PDZD2: variants seen among roughly 807,000 people sequenced by gnomAD.
The protein encoded by PDZD2 is PDZ domain-containing protein 2.
A neutral mutation model predicts 220.7 loss-of-function variants in PDZD2; 90 were observed. The observed-to-expected ratio is 0.41, with a 90% CI of 0.34 to 0.49. The LOEUF is 0.49. Ranked by LOEUF, PDZD2 falls within the 20% of genes least tolerant of loss-of-function variation. PDZD2 has a pLI of 0.28. For missense variants in PDZD2, 3,174 were observed against 3,608.5 expected (o/e 0.88, Z 3.08); for synonymous variants, 1,375 against 1,450.5 (o/e 0.95, Z 1.18).
At position 31,980,084 on chromosome 5, in the gene PDZD2, A is replaced by G. The variant is rs999841724; in HGVS notation, c.477-3071A>G. Among the ~76,000 whole-genome samples the G allele has an allele frequency of 4.8e-4, 73 of 152,194 alleles. 1 individual carries two copies. The highest frequency in any genetic ancestry group is 4.6e-3 in the Admixed American group (70 of 15,276). On this transcript the variant is annotated intron_variant, in intron 2 of 24. Transcript: ENST00000438447. The stretch of plus-strand genomic sequence containing the variant: ...GACATATTCACATAACAGAAAATTC[A>G]CCATTTTAAAGTGTACATTTCAGTG...
intron 1 of PDZD2, among the ~76,000 whole-genome samples, chr5:31,726,668 A>G (rs990229293): frequency 2.6e-5 from 4 of 152,100 alleles, no homozygotes; most frequent in African/African-American, 9.7e-5. Context: ...TTGCAGGAGG[A>G]CAGAGGGTGG....
chr5:31,858,386 T>C (rs1758645790), intron 2 of PDZD2, among the ~76,000 whole-genome samples: 1 of 152,242 alleles, frequency 6.6e-6, no homozygotes, highest in East Asian at 1.9e-4. Flanking sequence ...TTGCAAAAAT[T>C]AGTACAGCTA....
chr5:32,068,454 T>A (rs1214541563), intron 14 of PDZD2, among the ~76,000 whole-genome samples: 3 of 152,224 alleles, frequency 2.0e-5, no homozygotes, highest in African/African-American at 7.2e-5. Flanking sequence ...TATTACATAG[T>A]TCAGCTGACA....
intron 1 of PDZD2, among the ~76,000 whole-genome samples, chr5:31,790,977 C>T (rs1368702769): frequency 5.9e-5 from 9 of 151,992 alleles, no homozygotes; most frequent in Non-Finnish European, 1.0e-4. Flanking sequence ...GGATTACAGG[C>T]ATGAGCCACC....
intron 1 of PDZD2, among the ~76,000 whole-genome samples, chr5:31,690,834 A>G (rs1386768068): frequency 2.0e-5 from 3 of 152,190 alleles, no homozygotes; most frequent in Non-Finnish European, 4.4e-5. Context: ...GGATGCAAAC[A>G]TATTTTTTTG....
intron 2 of PDZD2, among the ~76,000 whole-genome samples, chr5:31,975,092 G>T (rs771067992): frequency 1.3e-5 from 2 of 152,170 alleles, no homozygotes; most frequent in Non-Finnish European, 2.9e-5. Context: ...ATAATTAAAT[G>T]TACACATTTT....
At chr5:31,919,709 AAAAAAAAAGG>A (rs1003658947) in intron 2 of PDZD2, among the ~76,000 whole-genome samples, 1 of 50,072 alleles carries the variant, frequency 2.0e-5, no homozygotes, top group Non-Finnish European at 3.3e-5. Flanking sequence ...TTGATAAAGA[AAAAAAAAAGG>A]AAAAAAAAAA....
intron 2 of PDZD2, among the ~76,000 whole-genome samples, chr5:31,873,601 A>T (rs1009799411): frequency 2.6e-5 from 4 of 151,178 alleles, no homozygotes; most frequent in Non-Finnish European, 4.4e-5. Context: ...GGGTCTTGCT[A>T]TGTTGCCCAG....
chr5:31,886,938 A>G (rs1381069667), intron 2 of PDZD2, among the ~76,000 whole-genome samples: 1 of 152,120 alleles, frequency 6.6e-6, no homozygotes, highest in Non-Finnish European at 1.5e-5. Context: ...ACCTCAGGTG[A>G]TCCGCCTGCC....
At chr5:31,866,189 G>A (rs959506617) in intron 2 of PDZD2, among the ~76,000 whole-genome samples, 1 of 151,728 alleles carries the variant, frequency 6.6e-6, no homozygotes, top group African/African-American at 2.4e-5. Context: ...TATGAAGATG[G>A]GGTTTTGCCA....
intron 1 of PDZD2, among the ~76,000 whole-genome samples, chr5:31,666,906 C>T (rs550694031): frequency 6.6e-6 from 1 of 152,254 alleles, no homozygotes; most frequent in South Asian, 2.1e-4. Flanking sequence ...AGCCCAAGCC[C>T]AAACATTCAC....
In PDZD2 at chr5:32,044,767, T is replaced by C. The variant is rs78476184; in HGVS notation, c.1520-3772T>C. Among the ~76,000 whole-genome samples, 274 of 152,288 alleles carry C rather than the reference T, an allele frequency of 1.8e-3. 1 individual carries two copies. Among genetic ancestry groups the C allele is most frequent in the African/African-American group, 6.1e-3 (255 of 41,558 alleles). On this transcript the variant is annotated intron_variant, in intron 7 of 24. Coordinates refer to ENST00000438447, the MANE Select transcript of PDZD2 (RefSeq NM_178140.4). The stretch of plus-strand genomic sequence containing the variant: ...GGTAAAACTTCACGTGATATTTACA[T>C]GCTCCGCAGTTTTGGAAAGAAGAGG...
intron 2 of PDZD2, among the ~76,000 whole-genome samples, chr5:31,915,749 T>C (rs1743622800): frequency 6.6e-6 from 1 of 152,226 alleles, no homozygotes; most frequent in Admixed American, 6.5e-5. Flanking sequence ...GAAAAACAGA[T>C]GAAAGGACCA....
intron 2 of PDZD2, among the ~76,000 whole-genome samples, chr5:31,862,605 G>A (rs1933302957): frequency 6.7e-6 from 1 of 149,900 alleles, no homozygotes; most frequent in African/African-American, 2.5e-5. Flanking sequence ...CTGATCCCCA[G>A]GCTGGAGTGC....
intron 2 of PDZD2, among the ~76,000 whole-genome samples, chr5:31,808,153 G>T (rs890546182): frequency 1.3e-5 from 2 of 152,138 alleles, no homozygotes; most frequent in Non-Finnish European, 2.9e-5. Context: ...TAGCATAAGG[G>T]TCCTGCCTAC....
In PDZD2 at chr5:31,639,874, C is replaced by T. The variant is rs542016948; in HGVS notation, c.-361+437C>T. On this transcript the variant is annotated intron_variant, in intron 1 of 24. Transcript: ENST00000438447. The surrounding 1 kb of genome is among the most constrained non-coding windows in gnomAD (Gnocchi z 4.1). ...TAATGTCTTGGGGACCATCCTCCCTCGGGCTTGTTTCATCTCTCAACCCCC... is the reference window on the plus strand; with the variant it reads ...TAATGTCTTGGGGACCATCCTCCCTTGGGCTTGTTTCATCTCTCAACCCCC... 2.0e-5 allele frequency among the ~76,000 whole-genome samples: 3 copies of T among 152,282 alleles called. No individual in the cohort carries two copies. Among genetic ancestry groups the T allele is most frequent in the African/African-American group, 7.2e-5 (3 of 41,562 alleles).
chr5:32,014,052 G>A (rs1372454078), intron 6 of PDZD2, among the ~76,000 whole-genome samples: 2 of 152,154 alleles, frequency 1.3e-5, no homozygotes, highest in Admixed American at 6.6e-5. Flanking sequence ...CTGAAAAAAT[G>A]TTCTTTCTTT....
chr5:31,761,229 C>A (rs1211463091), intron 1 of PDZD2, among the ~76,000 whole-genome samples: 1 of 152,022 alleles, frequency 6.6e-6, no homozygotes, highest in African/African-American at 2.4e-5. Context: ...TGAAAAGTCA[C>A]CCAAACGGAA....
chr5:31,828,856 T>C (rs567160370), intron 2 of PDZD2, among the ~76,000 whole-genome samples: 2 of 152,344 alleles, frequency 1.3e-5, no homozygotes, highest in Non-Finnish European at 2.9e-5. Flanking sequence ...AAGAATTCTT[T>C]ATATAGCCTA....
Sources: gnomAD v4.1 joint callset for allele counts (sites outside exome capture counted in the v4.1 genomes callset) on GRCh38, gnomAD v4.1.1 for gene constraint, Gnocchi (gnomAD v3.1) non-coding constraint, MANE v1.5 for transcripts, NCBI Gene and HGNC (gene_info 2026-07-23, HGNC 2026-07-21) for gene names.